The following DCHS2 variants were observed in gnomAD, a reference collection of about 807,000 sequenced individuals.
DCHS2 encodes the protein dachsous cadherin-related 2, also known as protocadherin-23.
DCHS2 carries 142 observed loss-of-function variants against 182.4 expected under a neutral mutation model. The ratio of observed to expected loss-of-function variants is 0.78; its 90% CI spans 0.68 to 0.89. The LOEUF is 0.89. DCHS2 is among the 40% of genes least tolerant of loss of function. The pLI is 0.00. For synonymous variants in DCHS2, 1,740 were observed against 1,663.3 expected, an observed-to-expected ratio of 1.05 and a Z score of -1.12; for missense variants, 4,319 against 4,198.6, an observed-to-expected ratio of 1.03 and a Z score of -0.79.
intron 13 of DCHS2, among the ~76,000 whole-genome samples, chr4:154,296,385 G>A (rs1734926402): frequency 6.6e-6 from 1 of 152,092 alleles, no homozygotes; most frequent in Non-Finnish European, 1.5e-5. Flanking sequence ...GAGTCACTTG[G>A]TTAACTTTTC....
intron 13 of DCHS2, among the ~76,000 whole-genome samples, chr4:154,297,507 C>A (rs1734979517): frequency 6.6e-6 from 1 of 152,146 alleles, no homozygotes; most frequent in African/African-American, 2.4e-5. Flanking sequence ...TAATTCCAAA[C>A]ATAAGGGAAC....
intron 12 of DCHS2, among the ~76,000 whole-genome samples, chr4:154,300,950 A>C (rs1239223694): frequency 1.3e-5 from 2 of 152,178 alleles, no homozygotes; most frequent in African/African-American, 2.4e-5. Flanking sequence ...AGGTTACTTG[A>C]AGTTTTCTAA....
intron 1 of DCHS2, among the ~76,000 whole-genome samples, chr4:154,464,805 C>A (rs1268125449): frequency 6.6e-6 from 1 of 152,148 alleles, no homozygotes; most frequent in Admixed American, 6.5e-5. Flanking sequence ...TTGGGGAAAG[C>A]CCTGCTGGAC....
intron 1 of DCHS2, among the ~76,000 whole-genome samples, chr4:154,448,241 G>A (rs1472419018): frequency 6.6e-6 from 1 of 152,014 alleles, no homozygotes; most frequent in Non-Finnish European, 1.5e-5. Context: ...TCTCTCCCTA[G>A]GTAATCTGAT....
In DCHS2 at chr4:154,329,517, A is replaced by G; in HGVS notation, c.3918+6T>C. On this transcript the variant is annotated splice_donor_region_variant and intron_variant, in intron 6 of 19. Transcript: ENST00000357232. ...TACAAATTCATTGCAAGGTTTCTTC[A>G]CAAACCTTCACGTGTAACTCCTTTC... The G allele has an allele frequency of 6.2e-7, 1 of 1,611,682 alleles. No homozygotes were observed.
chr4:154,269,563 T>C (rs1733470488), intron 14 of DCHS2: 1 of 193,122 alleles, frequency 5.2e-6, no homozygotes, highest in Non-Finnish European at 1.0e-5. Flanking sequence ...AGATGTGTTC[T>C]TATTTTTGAA....
At chr4:154,439,184 C>T (rs552625418) in intron 1 of DCHS2, among the ~76,000 whole-genome samples, 87 of 152,264 alleles carry the variant, frequency 5.7e-4, no homozygotes, top group Admixed American at 1.8e-3. Flanking sequence ...ACACTGAAAG[C>T]ACTACTTCAC....
At position 154,377,421 on chromosome 4, in the gene DCHS2, T is replaced by C. The variant is rs186690532; in HGVS notation, c.2076A>G (p.Ser692=). The C allele has an allele frequency of 1.1e-4, 180 of 1,612,836 alleles. 1 individual carries two copies. The East Asian group carries it at 3.7e-3, about 33-fold the overall frequency. ...AATATTCAATAAAGCCATAGAGTCCTGAATCTGCATCAGAGGCTGTCACCT... is the reference window on the plus strand; with the variant it reads ...AATATTCAATAAAGCCATAGAGTCCCGAATCTGCATCAGAGGCTGTCACCT... ...FLQVTASDAD[S]GLYGFIEYSL... is the part of the protein sequence containing the mutation. The change falls in exon 2 of 20, where the codon TCA becomes TCG. Residue 692 remains serine, a synonymous_variant. Transcript: ENST00000357232.
chr4:154,316,515 G>T (rs1262534548), intron 9 of DCHS2, among the ~76,000 whole-genome samples: 4 of 152,078 alleles, frequency 2.6e-5, no homozygotes. Context: ...GGGTGTGGCG[G>T]CTTACACTTG....
chr4:154,390,239 A>G (rs964399549), intron 1 of DCHS2, among the ~76,000 whole-genome samples: 1 of 146,088 alleles, frequency 6.8e-6, no homozygotes, highest in Non-Finnish European at 1.5e-5. Flanking sequence ...AGCATTAGGT[A>G]TATCTCCCAA....
chr4:154,413,867 C>T (rs2110897239), intron 1 of DCHS2, among the ~76,000 whole-genome samples: 1 of 152,320 alleles, frequency 6.6e-6, no homozygotes, highest in East Asian at 1.9e-4. Context: ...TACCCTTACC[C>T]TTGTAAACAG....
chr4:154,417,313 T>C (rs760456581), intron 1 of DCHS2, among the ~76,000 whole-genome samples: 2 of 151,662 alleles, frequency 1.3e-5, no homozygotes, highest in Non-Finnish European at 2.9e-5. Context: ...AAGTGCACTG[T>C]GAGCACATTT....
rs533653580 is a variant in DCHS2 at position 154,448,088 on chromosome 4, C to A, written c.2052+41216G>T. Reference sequence around the variant, plus strand: ...TGCACTCAGTTCCTTGCCTTGTCCTCAGCCTCTGAGGCTGCTTTCCCTCCC... The same window carrying A: ...TGCACTCAGTTCCTTGCCTTGTCCTAAGCCTCTGAGGCTGCTTTCCCTCCC... On this transcript the variant is annotated intron_variant, in intron 1 of 19. Coordinates refer to ENST00000357232, the MANE Select transcript of DCHS2 (RefSeq NM_001358235.2). Among the ~76,000 whole-genome samples the A allele has an allele frequency of 1.9e-4, 29 of 152,288 alleles. No homozygotes were observed. The South Asian group carries it at 5.6e-3, about 29-fold the overall frequency.
intron 1 of DCHS2, among the ~76,000 whole-genome samples, chr4:154,428,268 G>T (rs57866349): frequency 2.0e-5 from 3 of 152,018 alleles, no homozygotes; most frequent in Admixed American, 6.6e-5. Flanking sequence ...TGGCCAGGCA[G>T]AATGGCTCAT....
intron 1 of DCHS2, chr4:154,391,439 T>C (rs532849768): frequency 2.4e-6 from 3 of 1,226,218 alleles, no homozygotes; most frequent in East Asian, 2.6e-5. Flanking sequence ...AAACTAAAAA[T>C]AGGCAGATCA....
chr4:154,410,793 C>G (rs1732599632), intron 1 of DCHS2, among the ~76,000 whole-genome samples: 2 of 152,034 alleles, frequency 1.3e-5, no homozygotes, highest in Non-Finnish European at 2.9e-5. Context: ...CAAATAGATT[C>G]AATAGTTCAA....
intron 3 of DCHS2, chr4:154,357,276 G>C (rs1219345031): frequency 6.2e-7 from 1 of 1,613,340 alleles, no homozygotes; most frequent in Non-Finnish European, 8.5e-7. Context: ...TTCCTTGTCT[G>C]CTGAAAAGTT....
At chr4:154,238,894 G>A (rs766228955) in intron 19 of DCHS2, among the ~76,000 whole-genome samples, 2 of 152,028 alleles carry the variant, frequency 1.3e-5, no homozygotes, top group African/African-American at 4.8e-5. Flanking sequence ...ATGCAACTGG[G>A]TGTTTATTAT....
chr4:154,310,430 G>C (rs1261417558), intron 10 of DCHS2, among the ~76,000 whole-genome samples: 1 of 152,110 alleles, frequency 6.6e-6, no homozygotes, highest in Non-Finnish European at 1.5e-5. Context: ...TGAGACATTA[G>C]GTCTTCTTTT....
Sources: gnomAD v4.1 joint callset for allele counts (sites outside exome capture counted in the v4.1 genomes callset) on GRCh38, gnomAD v4.1.1 for gene constraint, MANE v1.5 for transcripts, NCBI Gene and HGNC (gene_info 2026-07-23, HGNC 2026-07-21) for gene names.